STK33: variants seen among roughly 807,000 people sequenced by gnomAD.
STK33 encodes serine/threonine-protein kinase 33.
A neutral mutation model predicts 58.0 loss-of-function variants in STK33; 52 were observed. The ratio of observed to expected loss-of-function variants is 0.90; its 90% CI spans 0.72 to 1.13. The LOEUF (loss-of-function observed/expected upper bound fraction) is 1.13. Ranked by LOEUF, STK33 falls within the 50% of genes most tolerant of loss-of-function variation. The pLI is 0.00. For missense variants in STK33, 630 were observed against 604.2 expected (o/e 1.04, Z -0.45); for synonymous variants, 215 against 200.1 (o/e 1.07, Z -0.63).
At chr11:8,564,524 C>T (rs1032890887) in intron 1 of STK33, among the ~76,000 whole-genome samples, 1 of 152,134 alleles carries the variant, frequency 6.6e-6, no homozygotes, top group African/African-American at 2.4e-5. Context: ...AGAAAGAGAA[C>T]TTTCCATTTG....
intron 1 of STK33, among the ~76,000 whole-genome samples, chr11:8,576,244 G>A (rs1958175811): frequency 1.3e-5 from 2 of 152,134 alleles, no homozygotes; most frequent in South Asian, 2.1e-4. Context: ...TGGGAAATGC[G>A]TTATTAGTGA....
the STK33 span, among the ~76,000 whole-genome samples, chr11:8,383,559 C>T: frequency 6.6e-6 from 1 of 152,198 alleles, no homozygotes; most frequent in Non-Finnish European, 1.5e-5. Flanking sequence ...CAGCAAAATA[C>T]CTGGCCCACC....
At chr11:8,570,942 G>C (rs1021031019) in intron 1 of STK33, among the ~76,000 whole-genome samples, 2 of 152,248 alleles carry the variant, frequency 1.3e-5, no homozygotes, top group African/African-American at 4.8e-5. Context: ...ATAGAGTAAC[G>C]GGGGACAGAT....
At chr11:8,357,066 C>G in the STK33 span, among the ~76,000 whole-genome samples, 40 of 152,360 alleles carry the variant, frequency 2.6e-4, no homozygotes, top group African/African-American at 9.4e-4. Flanking sequence ...CTGTCTCCCT[C>G]CTTCCCGGCC....
chr11:8,499,761 T>C (rs1951366904), intron 1 of STK33, among the ~76,000 whole-genome samples: 1 of 152,176 alleles, frequency 6.6e-6, no homozygotes, highest in Admixed American at 6.6e-5. Flanking sequence ...TGAGTTCATG[T>C]CCTTTGCAGG....
rs370936573 is a variant in STK33, at chr11:8,557,285, G to A, written c.-466+36798C>T. On this transcript the variant is annotated intron_variant, in intron 1 of 15. Coordinates refer to ENST00000687296, the MANE Select transcript of STK33 (RefSeq NM_001352389.2). Reference sequence around the variant, plus strand: ...GGGAGGGGAGGGGAGGGGAGGGGAGGGGAGGAGAGAAGAGGAGAGGGAGGA... The same window carrying A: ...GGGAGGGGAGGGGAGGGGAGGGGAGAGGAGGAGAGAAGAGGAGAGGGAGGA... 1.7e-3 allele frequency among the ~76,000 whole-genome samples: 80 copies of A among 47,642 alleles called. 4 individuals carry two copies. Among genetic ancestry groups the A allele is most frequent in the Middle Eastern group, 0.015 (1 of 66 alleles). The allele number at this position is 47,642 out of a possible 152,430, so 31.3% of individuals were successfully genotyped here. A position where few individuals can be genotyped will look rare whatever the true frequency, so the allele number is the denominator to read the frequency against.
At chr11:8,503,568 C>A (rs1392191253) in intron 1 of STK33, among the ~76,000 whole-genome samples, 2 of 152,188 alleles carry the variant, frequency 1.3e-5, no homozygotes, top group Non-Finnish European at 2.9e-5. Flanking sequence ...ACCCTTGCAA[C>A]ATGCAACTTA....
chr11:8,369,024 T>A, the STK33 span, among the ~76,000 whole-genome samples: 2 of 152,080 alleles, frequency 1.3e-5, no homozygotes, highest in Non-Finnish European at 2.9e-5. Context: ...AGAGAGCTAC[T>A]GGGCAGCCAT....
chr11:8,349,654 C>G, the STK33 span, among the ~76,000 whole-genome samples: 1 of 152,236 alleles, frequency 6.6e-6, no homozygotes, highest in Non-Finnish European at 1.5e-5. Flanking sequence ...GTGGCCTTGG[C>G]CAATGACCAA....
intron 14 of STK33, among the ~76,000 whole-genome samples, chr11:8,414,709 G>A (rs1432763605): frequency 1.3e-5 from 2 of 152,104 alleles, no homozygotes; most frequent in Non-Finnish European, 2.9e-5. Flanking sequence ...TTAATTCTCT[G>A]TGATTCTTCT....
At chr11:8,374,489 T>G in the STK33 span, among the ~76,000 whole-genome samples, 2 of 152,178 alleles carry the variant, frequency 1.3e-5, no homozygotes, top group African/African-American at 2.4e-5. Context: ...CTTCCTGCCT[T>G]GCAGATGGCC....
At chr11:8,534,323 C>A (rs1954791131) in intron 1 of STK33, among the ~76,000 whole-genome samples, 1 of 151,854 alleles carries the variant, frequency 6.6e-6, no homozygotes, top group African/African-American at 2.4e-5. Context: ...AGGAAAGATT[C>A]CAGTACATTC....
At chr11:8,571,585 A>G (rs1390601111) in intron 1 of STK33, among the ~76,000 whole-genome samples, 1 of 152,120 alleles carries the variant, frequency 6.6e-6, no homozygotes, top group Admixed American at 6.5e-5. Context: ...TGTAATCCCA[A>G]CACTTTGGGA....
chr11:8,484,218 A>G (rs1340113364), intron 1 of STK33, among the ~76,000 whole-genome samples: 1 of 152,236 alleles, frequency 6.6e-6, no homozygotes, highest in African/African-American at 2.4e-5. Flanking sequence ...TGGTGTGTAT[A>G]TATCTGAATG....
chr11:8,397,573 A>C (rs1849580164), intron 15 of STK33, among the ~76,000 whole-genome samples: 1 of 152,234 alleles, frequency 6.6e-6, no homozygotes, highest in African/African-American at 2.4e-5. Context: ...CTCCAAAGGA[A>C]TACAGCTTCT....
intron 1 of STK33, among the ~76,000 whole-genome samples, chr11:8,592,360 G>A (rs142088429): frequency 6.6e-6 from 1 of 152,154 alleles, no homozygotes; most frequent in South Asian, 2.1e-4. Context: ...TTTGCTAATA[G>A]CTAACAATAA....
intron 1 of STK33, among the ~76,000 whole-genome samples, chr11:8,505,096 A>G (rs10840065): frequency 0.55 from 83,955 of 151,986 alleles, 23,592 homozygotes; most frequent in African/African-American, 0.66. Context: ...TGGAAAGGTG[A>G]TTGCTAAATA....
chr11:8,538,174 C>T (rs1955203379), intron 1 of STK33, among the ~76,000 whole-genome samples: 1 of 151,392 alleles, frequency 6.6e-6, no homozygotes, highest in Non-Finnish European at 1.5e-5. Context: ...AGTGGCAGAG[C>T]CAGACAGTAT....
the STK33 span, among the ~76,000 whole-genome samples, chr11:8,373,032 G>C: frequency 6.6e-6 from 1 of 152,144 alleles, no homozygotes; most frequent in African/African-American, 2.4e-5. Flanking sequence ...TTCCCCTTAG[G>C]GCAGACCCAA....
Sources: gnomAD v4.1 joint callset for allele counts (sites outside exome capture counted in the v4.1 genomes callset) on GRCh38, gnomAD v4.1.1 for gene constraint, MANE v1.5 for transcripts, NCBI Gene and HGNC (gene_info 2026-07-23, HGNC 2026-07-21) for gene names.